Variants in ABCC2 observed in about 807,000 individuals in gnomAD.
ABCC2 encodes ATP binding cassette subfamily C member 2.
ABCC2 carries 157 observed loss-of-function variants against 173.4 expected under a neutral mutation model. That is an observed-to-expected ratio of 0.91 (90% CI 0.80 to 1.03). ABCC2 has a LOEUF of 1.03. ABCC2 is among the 50% of genes least tolerant of loss of function. ABCC2 has a pLI of 0.00. For synonymous variants in ABCC2, 657 were observed against 693.5 expected, an observed-to-expected ratio of 0.95 and a Z score of 0.83; for missense variants, 1,822 against 1,852.3, an observed-to-expected ratio of 0.98 and a Z score of 0.30.
intron 11 of ABCC2, among the ~76,000 whole-genome samples, chr10:99,805,893 A>G (rs905368903): frequency 4.3e-4 from 66 of 152,190 alleles, no homozygotes; most frequent in African/African-American, 1.5e-3. Flanking sequence ...ATATAGCCAC[A>G]ATACCAGTAT....
chr10:99,846,440 A>G (rs1482972155), intron 29 of ABCC2, among the ~76,000 whole-genome samples: 2 of 150,078 alleles, frequency 1.3e-5, no homozygotes, highest in Non-Finnish European at 1.5e-5. Context: ...CAGCTGTACT[A>G]TTCTTTCCTC....
At chr10:99,818,659 A>C (rs1437761939) in intron 17 of ABCC2, 131 bp from the exon 18 acceptor site, 1 of 875,082 alleles carries the variant, frequency 1.1e-6, no homozygotes, top group Admixed American at 2.5e-5. Flanking sequence ...TATTTGTATA[A>C]AGGAACTTGT....
intron 31 of ABCC2, 104 bp downstream of exon 31, chr10:99,850,900 A>G: frequency 7.4e-7 from 1 of 1,350,530 alleles, no homozygotes; most frequent in African/African-American, 1.4e-5. Flanking sequence ...AACCACCACC[A>G]CATTACTGAT....
At chr10:99,784,492 C>A in intron 1 of ABCC2, 116 bp from the exon 2 acceptor site, 2 of 1,095,852 alleles carry the variant, frequency 1.8e-6, no homozygotes, top group South Asian at 1.3e-5. Flanking sequence ...AAGGGTAAGG[C>A]TGGATATGGA....
At chr10:99,824,771 G>A (rs2038600021) in intron 19 of ABCC2, among the ~76,000 whole-genome samples, 2 of 152,154 alleles carry the variant, frequency 1.3e-5, no homozygotes, top group South Asian at 2.1e-4. Flanking sequence ...GTTGAATTAC[G>A]GCGTTTACGG....
At chr10:99,817,745 A>G (rs1435170947) in intron 17 of ABCC2, among the ~76,000 whole-genome samples, 1 of 152,180 alleles carries the variant, frequency 6.6e-6, no homozygotes, top group African/African-American at 2.4e-5. Context: ...AGGCCATGAG[A>G]AGTTAACAGT....
At chr10:99,823,603 G>T (rs865804300) in intron 19 of ABCC2, among the ~76,000 whole-genome samples, 9 of 147,254 alleles carry the variant, frequency 6.1e-5, no homozygotes, top group Admixed American at 1.4e-4. Context: ...TTGATTACTC[G>T]TTCCTTCGGC....
chr10:99,814,109 A>ATGTGTATATACACACATATGTG (rs2038269925), intron 16 of ABCC2, among the ~76,000 whole-genome samples: 2 of 141,644 alleles, frequency 1.4e-5, no homozygotes, highest in South Asian at 2.2e-4. Flanking sequence ...ATACACACAT[A>ATGTGTATATACACACATATGTG]TGTGTATATA....
chr10:99,799,870 A>G (rs2037983687), intron 8 of ABCC2, among the ~76,000 whole-genome samples: 1 of 152,210 alleles, frequency 6.6e-6, no homozygotes, highest in African/African-American at 2.4e-5. Flanking sequence ...GCCATGGGTT[A>G]TCAACCCTAA....
At chr10:99,792,015 A>G (rs535334312) in intron 2 of ABCC2, among the ~76,000 whole-genome samples, 4 of 152,354 alleles carry the variant, frequency 2.6e-5, no homozygotes, top group African/African-American at 7.2e-5. Context: ...GACATATTTT[A>G]AAACTTCACA....
At chr10:99,829,188 G>T (rs2038695262) in intron 19 of ABCC2, among the ~76,000 whole-genome samples, 1 of 152,172 alleles carries the variant, frequency 6.6e-6, no homozygotes, top group Admixed American at 6.5e-5. Context: ...GTTCTCCAGG[G>T]ATGGGGTTTT....
chr10:99,788,278 C>T (rs2037753141), intron 2 of ABCC2, among the ~76,000 whole-genome samples: 1 of 152,170 alleles, frequency 6.6e-6, no homozygotes, highest in Admixed American at 6.5e-5. Context: ...CATTTTAGCA[C>T]ATAAAAATCT....
In ABCC2 at chr10:99,793,574, C is replaced by G; in HGVS notation, c.357C>G (p.Tyr119Ter). The change falls in exon 4 of 32, where the codon TAC becomes TAG. Residue 119 changes from tyrosine to a stop codon, truncating the protein, a stop_gained. Coordinates refer to ENST00000647814, the MANE Select transcript of ABCC2 (RefSeq NM_000392.5). LOFTEE classifies it high-confidence loss of function. ...GTWLLVLLIQ[Y>*]SRQWCVQKNS... ...AGCTCCTGGTTTTGCTGATCCAATA[C>G]AGCAGACAATGGTGTGTACAGAAAA... 1 of 1,614,138 alleles carries G rather than the reference C, an allele frequency of 6.2e-7. No homozygotes were observed. The highest frequency in any genetic ancestry group is 1.7e-5 in the Admixed American group (1 of 60,008).
rs1341402153 is a variant in ABCC2, at chr10:99,852,387, T to G, written c.*756T>G. ...GAATTTCATTTGCATTTCCCTAGTA[T>G]CTATTGGGGATGAATATATTTTCAT... On this transcript the variant is annotated 3_prime_UTR_variant, in exon 32 of 32. Transcript: ENST00000647814. Among the ~76,000 whole-genome samples, 1 of 152,218 alleles carries G rather than the reference T, an allele frequency of 6.6e-6. No individual in the cohort carries two copies. The highest frequency in any genetic ancestry group is 6.5e-5 in the Admixed American group (1 of 15,278).
rs761506843 is a variant in ABCC2 at position 99,797,244 on chromosome 10, G to A, written c.780G>A (p.Arg260=). 63 of 1,613,986 alleles carry A rather than the reference G, an allele frequency of 3.9e-5. No homozygotes were observed. Among genetic ancestry groups the A allele is most frequent in the Non-Finnish European group, 5.3e-5 (62 of 1,180,000 alleles). ...LQKARRALQR[R]QEKSSQQNSG... ...AAGCCAGGCGGGCACTCCAGAGACG[G>A]CAGGAGAAGAGCTCCCAGCAGAACT... The change falls in exon 7 of 32, where the codon CGG becomes CGA. Residue 260 remains arginine, a synonymous_variant. Transcript: ENST00000647814.
intron 19 of ABCC2, among the ~76,000 whole-genome samples, chr10:99,820,498 C>A (rs1410665163): frequency 6.6e-6 from 1 of 152,164 alleles, no homozygotes; most frequent in Non-Finnish European, 1.5e-5. Context: ...GTGGTTCACA[C>A]CTGTAATCCC....
At chr10:99,809,775 C>T (rs1214091399) in intron 13 of ABCC2, among the ~76,000 whole-genome samples, 4 of 152,176 alleles carry the variant, frequency 2.6e-5, no homozygotes, top group Non-Finnish European at 5.9e-5. Flanking sequence ...AGTTAGGATG[C>T]TGGGTGGGCA....
rs1384495121 is a variant in ABCC2, at chr10:99,843,908, G to C, written c.3843+8G>C. ...ACAAAAGTGGAAAATGAGGTAAGGA[G>C]GAACTGGAAAAATCCAGGAACAAGG... On this transcript the variant is annotated splice_region_variant and intron_variant, in intron 27 of 31. Transcript: ENST00000647814. 3 of 1,609,832 alleles carry C rather than the reference G, an allele frequency of 1.9e-6. No individual in the cohort carries two copies. The highest frequency in any genetic ancestry group is 2.6e-6 in the Non-Finnish European group (3 of 1,176,060).
rs149412446 is a variant in ABCC2 at position 99,834,499 on chromosome 10, C to T, written c.3378C>T (p.Ile1126=). Residue 1126 remains isoleucine, a synonymous_variant, in exon 24 of 32, where the codon ATC becomes ATT. Coordinates refer to ENST00000647814, the MANE Select transcript of ABCC2 (RefSeq NM_000392.5). ...TGGCCACTCCTGTCTTCACCATCATCGTCATTCCTCTTGGCATTATTTATG... is the reference window on the plus strand; with the variant it reads ...TGGCCACTCCTGTCTTCACCATCATTGTCATTCCTCTTGGCATTATTTATG... ...ICMATPVFTI[I]VIPLGIIYVS... 1.1e-5 allele frequency: 18 copies of T among 1,614,174 alleles called. No individual in the cohort carries two copies. Among genetic ancestry groups the T allele is most frequent in the Non-Finnish European group, 1.4e-5 (17 of 1,180,034 alleles).
Sources: allele counts gnomAD v4.1 joint callset (sites outside exome capture counted in the v4.1 genomes callset), GRCh38; gene constraint gnomAD v4.1.1; transcripts MANE v1.5; gene names NCBI Gene and HGNC (gene_info 2026-07-23, HGNC 2026-07-21).